The following MPP7 variants were observed in gnomAD, a reference collection of about 807,000 sequenced individuals.
MPP7 encodes the protein MAGUK p55 subfamily member 7.
In MPP7, 60 loss-of-function variants were observed where a neutral mutation model predicts 76.5. The observed-to-expected ratio is 0.78, with a 90% CI of 0.64 to 0.97. MPP7 has a LOEUF of 0.97. Ranked by LOEUF, MPP7 falls within the 50% of genes least tolerant of loss-of-function variation. MPP7 has a pLI of 0.00. For missense variants in MPP7, 641 were observed against 694.0 expected (o/e 0.92, Z 0.86); for synonymous variants, 237 against 244.5 (o/e 0.97, Z 0.29).
intron 15 of MPP7, chr10:28,057,638 T>TTTTTTA: frequency 7.6e-6 from 2 of 261,654 alleles, no homozygotes; most frequent in South Asian, 4.3e-5. Flanking sequence ...TTTTTTTTAG[T>TTTTTTA]AAATTACCCA....
At chr10:28,087,610 G>T (rs1022276908) in intron 12 of MPP7, among the ~76,000 whole-genome samples, 1 of 152,132 alleles carries the variant, frequency 6.6e-6, no homozygotes, top group Non-Finnish European at 1.5e-5. Flanking sequence ...TGGGCAGGCT[G>T]GTCTTGAACT....
chr10:28,168,644 G>T (rs1049381114), intron 3 of MPP7, among the ~76,000 whole-genome samples: 3 of 152,016 alleles, frequency 2.0e-5, no homozygotes, highest in African/African-American at 4.8e-5. Flanking sequence ...TCCACCTCCG[G>T]AGTAGCTGGG....
intron 5 of MPP7, among the ~76,000 whole-genome samples, chr10:28,135,000 GA>G (rs1361650774): frequency 3.9e-5 from 6 of 152,048 alleles, no homozygotes; most frequent in Non-Finnish European, 5.9e-5. Context: ...GAAAAAACTA[GA>G]AACTAAAAAT....
At chr10:28,227,503 T>TC (rs1838735193) in intron 2 of MPP7, among the ~76,000 whole-genome samples, 3 of 152,018 alleles carry the variant, frequency 2.0e-5, no homozygotes, top group Admixed American at 2.0e-4. Flanking sequence ...TGTGTGATGT[T>TC]CCCCTCCTTG....
At chr10:28,181,910 C>T (rs1468185763) in intron 3 of MPP7, among the ~76,000 whole-genome samples, 1 of 152,170 alleles carries the variant, frequency 6.6e-6, no homozygotes, top group Non-Finnish European at 1.5e-5. Flanking sequence ...GCTACATAAA[C>T]CTCCGACTCA....
chr10:28,152,316 ATG>A (rs1386182995), intron 3 of MPP7, among the ~76,000 whole-genome samples: 1 of 152,164 alleles, frequency 6.6e-6, no homozygotes, highest in Non-Finnish European at 1.5e-5. Flanking sequence ...TGTGTTGCGT[ATG>A]TGTTTTACTT....
At chr10:28,156,592 C>G (rs1209678990) in intron 3 of MPP7, among the ~76,000 whole-genome samples, 1 of 152,070 alleles carries the variant, frequency 6.6e-6, no homozygotes, top group Non-Finnish European at 1.5e-5. Context: ...TGGATGGACA[C>G]AGGAAAGGCA....
chr10:28,136,793 CA>C (rs1835366916), intron 5 of MPP7, among the ~76,000 whole-genome samples: 1 of 152,068 alleles, frequency 6.6e-6, no homozygotes, highest in Non-Finnish European at 1.5e-5. Flanking sequence ...GAGCTGTCCA[CA>C]ATGAAACACA....
At chr10:28,305,475 GA>G (rs1271627542), upstream of MPP7, 4 of 152,076 alleles carry the variant, frequency 2.6e-5, no homozygotes, top group Admixed American at 1.3e-4. Context: ...CTGTTTACTA[GA>G]AATAGGTTAG....
intron 1 of MPP7, among the ~76,000 whole-genome samples, chr10:28,244,317 G>A (rs1467160198): frequency 6.6e-6 from 1 of 152,104 alleles, no homozygotes; most frequent in East Asian, 1.9e-4. Context: ...GTGCAAAACT[G>A]TGAAAATTTT....
intron 3 of MPP7, among the ~76,000 whole-genome samples, chr10:28,176,115 G>A (rs7068687): frequency 0.26 from 39,783 of 151,940 alleles, 6,367 homozygotes; most frequent in East Asian, 0.43. Flanking sequence ...ATTCCTATTG[G>A]TCACTGTTAG....
At chr10:28,148,894 G>C (rs1360445235) in intron 4 of MPP7, among the ~76,000 whole-genome samples, 2 of 152,068 alleles carry the variant, frequency 1.3e-5, no homozygotes, top group Non-Finnish European at 2.9e-5. Context: ...GATTTTTTAA[G>C]GCTTTCGTGC....
intron 3 of MPP7, among the ~76,000 whole-genome samples, chr10:28,200,308 C>T (rs61533851): frequency 0.015 from 2,239 of 152,262 alleles, 40 homozygotes; most frequent in African/African-American, 0.049. Flanking sequence ...ACTATTAAGA[C>T]ATTGAGAATG....
At chr10:28,159,632 A>G (rs944135853) in intron 3 of MPP7, among the ~76,000 whole-genome samples, 3 of 152,188 alleles carry the variant, frequency 2.0e-5, no homozygotes, top group Non-Finnish European at 4.4e-5. Context: ...CAGTTGGAAG[A>G]GAGAGGAATA....
chr10:28,063,725 T>C (rs2133342661), intron 13 of MPP7, among the ~76,000 whole-genome samples: 1 of 152,268 alleles, frequency 6.6e-6, no homozygotes, highest in Middle Eastern at 3.4e-3. Flanking sequence ...TAATGTCTGA[T>C]GATCTGAGGT....
chr10:28,133,752 T>C (rs1344099074), intron 5 of MPP7, among the ~76,000 whole-genome samples: 2 of 152,142 alleles, frequency 1.3e-5, no homozygotes, highest in African/African-American at 4.8e-5. Context: ...TTCCTAGTCA[T>C]CATGCCCTCC....
intron 11 of MPP7, among the ~76,000 whole-genome samples, chr10:28,106,689 T>C (rs1834335061): frequency 6.6e-6 from 1 of 152,170 alleles, no homozygotes; most frequent in Admixed American, 6.5e-5. Flanking sequence ...ACTGGAGCAC[T>C]CCTATCCTCA....
At chr10:28,311,127 A>G (rs1275266982) in intron 2 of MPP7, among the ~76,000 whole-genome samples, 1 of 152,232 alleles carries the variant, frequency 6.6e-6, no homozygotes, top group Non-Finnish European at 1.5e-5. Flanking sequence ...AAGAGTTTTC[A>G]TCAACCAGTT....
intron 3 of MPP7, among the ~76,000 whole-genome samples, chr10:28,165,584 G>A (rs1485345630): frequency 6.6e-6 from 1 of 150,476 alleles, no homozygotes; most frequent in Non-Finnish European, 1.5e-5. Context: ...GTATGGACCA[G>A]ATGACTTTAG....
Sources: allele counts gnomAD v4.1 joint callset (sites outside exome capture counted in the v4.1 genomes callset), GRCh38; gene constraint gnomAD v4.1.1; transcripts MANE v1.5; gene names NCBI Gene and HGNC (gene_info 2026-07-23, HGNC 2026-07-21).